The following TRHDE variants were observed in gnomAD, a reference collection of about 807,000 sequenced individuals.
TRHDE encodes thyrotropin-releasing hormone-degrading ectoenzyme.
A neutral mutation model predicts 125.7 loss-of-function variants in TRHDE; 72 were observed. That is an observed-to-expected ratio of 0.57 (90% CI 0.47 to 0.70). The LOEUF (loss-of-function observed/expected upper bound fraction) is 0.70. Among genes scored for constraint, TRHDE ranks in the 30% least tolerant of loss-of-function variants. The pLI, the probability that TRHDE is intolerant of heterozygous loss-of-function variation, is 0.00. For missense variants in TRHDE, 1,110 were observed against 1,327.1 expected (o/e 0.84, Z 2.54); for synonymous variants, 509 against 509.1 (o/e 1.00, Z 0.00).
chr12:72,633,498 A>G (rs1406585202), intron 15 of TRHDE, among the ~76,000 whole-genome samples: 1 of 152,008 alleles, frequency 6.6e-6, no homozygotes, highest in African/African-American at 2.4e-5. Flanking sequence ...TCTTTTGGTT[A>G]TACTTAAGGT....
At chr12:72,543,543 T>C (rs572988103) in intron 7 of TRHDE, among the ~76,000 whole-genome samples, 2 of 151,518 alleles carry the variant, frequency 1.3e-5, no homozygotes, top group Non-Finnish European at 3.0e-5. Context: ...GAATATCAGC[T>C]ATCTGGAGGA....
At chr12:72,593,660 C>A (rs1234880031) in intron 12 of TRHDE, among the ~76,000 whole-genome samples, 2 of 151,962 alleles carry the variant, frequency 1.3e-5, no homozygotes, top group African/African-American at 4.8e-5. Flanking sequence ...TGCTATCCCT[C>A]CCCCCTCCTC....
At chr12:72,172,449 G>A (rs1876894327) in intron 2 of TRHDE, among the ~76,000 whole-genome samples, 1 of 152,188 alleles carries the variant, frequency 6.6e-6, no homozygotes, top group South Asian at 2.1e-4. Flanking sequence ...AGGTCTGCGT[G>A]TATAGTGCCT....
chr12:72,485,668 G>A (rs895102271), intron 5 of TRHDE, among the ~76,000 whole-genome samples: 1 of 152,156 alleles, frequency 6.6e-6, no homozygotes, highest in Non-Finnish European at 1.5e-5. Flanking sequence ...CAATGTCACA[G>A]CTAACTCGGA....
At chr12:72,261,419 T>C (rs1878947992) in intron 2 of TRHDE, among the ~76,000 whole-genome samples, 2 of 152,196 alleles carry the variant, frequency 1.3e-5, no homozygotes, top group Non-Finnish European at 2.9e-5. Context: ...TTAATGTGGC[T>C]GGCAGAGACC....
intron 2 of TRHDE, among the ~76,000 whole-genome samples, chr12:72,305,859 A>G (rs1237502956): frequency 1.3e-5 from 2 of 152,180 alleles, no homozygotes; most frequent in Non-Finnish European, 2.9e-5. Context: ...TGGTTATATG[A>G]ATTCTCCACA....
intron 6 of TRHDE, among the ~76,000 whole-genome samples, chr12:72,541,405 G>A (rs1333530273): frequency 6.6e-6 from 1 of 151,402 alleles, no homozygotes; most frequent in Non-Finnish European, 1.5e-5. Context: ...TTGCATTCAT[G>A]TTGTTCTGCC....
chr12:72,120,430 A>G (rs1190803112), intron 2 of TRHDE, among the ~76,000 whole-genome samples: 4 of 151,186 alleles, frequency 2.6e-5, no homozygotes, highest in Non-Finnish European at 5.9e-5. Context: ...TCTTCCTTTA[A>G]TTTGATCACC....
chr12:72,176,478 G>A lies in TRHDE; in HGVS notation n.279+70726G>A, dbSNP rs896728401. On this transcript the variant is annotated intron_variant and non_coding_transcript_variant, in intron 2 of 4. Coordinates refer to the TRHDE transcript ENST00000548156. Reference sequence around the variant, plus strand: ...TGTGGGCAATGAGTGTTTCTGGGTGGCTCATCTTTGTGCTTTCCACACTAA... The same window carrying A: ...TGTGGGCAATGAGTGTTTCTGGGTGACTCATCTTTGTGCTTTCCACACTAA... Among the ~76,000 whole-genome samples the A allele has an allele frequency of 1.5e-4, 23 of 152,254 alleles. 1 individual carries two copies. The highest frequency in any genetic ancestry group is 1.1e-3 in the Admixed American group (17 of 15,294).
intron 2 of TRHDE, among the ~76,000 whole-genome samples, chr12:72,252,697 T>G (rs1303237499): frequency 2.0e-5 from 3 of 152,104 alleles, no homozygotes; most frequent in African/African-American, 7.2e-5. Context: ...TTTTGATAAT[T>G]GTCTTATACC....
chr12:72,231,209 C>T (rs190653272), intron 2 of TRHDE, among the ~76,000 whole-genome samples: 182 of 152,144 alleles, frequency 1.2e-3, no homozygotes, highest in Non-Finnish European at 2.2e-3. Context: ...AATCAGCACA[C>T]ACAAAAGCAA....
chr12:72,493,325 A>T (rs1565764383), intron 5 of TRHDE, among the ~76,000 whole-genome samples: 2 of 151,988 alleles, frequency 1.3e-5, no homozygotes, highest in African/African-American at 2.4e-5. Context: ...AAATCTGCCT[A>T]CATTTATATT....
chr12:72,661,559 C>T (rs974116545), intron 18 of TRHDE, among the ~76,000 whole-genome samples: 1 of 152,058 alleles, frequency 6.6e-6, no homozygotes, highest in Non-Finnish European at 1.5e-5. Flanking sequence ...AGGATATAGA[C>T]TGGATGAGTC....
intron 2 of TRHDE, among the ~76,000 whole-genome samples, chr12:72,288,589 C>T (rs530293731): frequency 3.9e-5 from 6 of 152,298 alleles, no homozygotes; most frequent in African/African-American, 1.4e-4. Context: ...ACGAAGACAT[C>T]TCATTTCATT....
intron 12 of TRHDE, among the ~76,000 whole-genome samples, chr12:72,592,712 T>TC: frequency 6.6e-6 from 1 of 151,654 alleles, no homozygotes; most frequent in Non-Finnish European, 1.5e-5. Context: ...TTCTTTCTTT[T>TC]TTTTTTTTCT....
chr12:72,560,174 T>A (rs1870112771), intron 7 of TRHDE, among the ~76,000 whole-genome samples: 1 of 152,134 alleles, frequency 6.6e-6, no homozygotes, highest in Non-Finnish European at 1.5e-5. Context: ...AACGTCTGAA[T>A]ATTAGGGTTA....
intron 3 of TRHDE, among the ~76,000 whole-genome samples, chr12:72,391,751 G>C (rs561841340): frequency 1.5e-3 from 228 of 152,164 alleles, no homozygotes; most frequent in Non-Finnish European, 1.7e-3. Context: ...AGAGGTAGCT[G>C]GTAAATGGTA....
chr12:72,358,670 T>C (rs1193274514), intron 2 of TRHDE, among the ~76,000 whole-genome samples: 2 of 151,276 alleles, frequency 1.3e-5, no homozygotes, highest in African/African-American at 2.4e-5. Context: ...TAGACATTAA[T>C]GAAATAAAAG....
At chr12:72,131,157 C>T (rs1013697940) in intron 2 of TRHDE, among the ~76,000 whole-genome samples, 2 of 149,890 alleles carry the variant, frequency 1.3e-5, no homozygotes, top group Non-Finnish European at 3.0e-5. Context: ...CTGAAAGCTC[C>T]GCCTCCCGGG....
Sources: gnomAD v4.1 joint callset for allele counts (sites outside exome capture counted in the v4.1 genomes callset) on GRCh38, gnomAD v4.1.1 for gene constraint, MANE v1.5 for transcripts, NCBI Gene and HGNC (gene_info 2026-07-23, HGNC 2026-07-21) for gene names.